The following TMEM225B variants were observed in gnomAD, a reference collection of about 807,000 sequenced individuals.
The protein encoded by TMEM225B is transmembrane protein 225B, also known as transmembrane protein 225-like.
A neutral mutation model predicts 16.9 loss-of-function variants in TMEM225B; 10 were observed. The ratio of observed to expected loss-of-function variants is 0.59; its 90% CI spans 0.36 to 1.00. The LOEUF (loss-of-function observed/expected upper bound fraction) is 1.00, where lower values mean the gene tolerates loss of function less well. Among genes scored for constraint, TMEM225B ranks in the 50% least tolerant of loss-of-function variants. The probability of loss-of-function intolerance (pLI) is 0.01; values close to 1 mark genes in which losing one functional copy is unlikely to be tolerated. For missense variants in TMEM225B, 217 were observed against 267.0 expected, an observed-to-expected ratio of 0.81 and a Z score of 1.30; for synonymous variants, 92 against 109.8, an observed-to-expected ratio of 0.84 and a Z score of 1.01.
chr7:99,598,625 C>CTGAATTCAGGGGAAA (rs1805054315), intron 1 of TMEM225B, among the ~76,000 whole-genome samples: 1 of 152,124 alleles, frequency 6.6e-6, no homozygotes, highest in Admixed American at 6.5e-5. Context: ...GGGAAAGGGC[C>CTGAATTCAGGGGAAA]GAGGACGGTT....
intron 3 of TMEM225B, 41 bp from the exon 4 acceptor site, chr7:99,606,707 C>T (rs1194646145): frequency 5.9e-6 from 9 of 1,530,842 alleles, no homozygotes; most frequent in Non-Finnish European, 7.0e-6. Context: ...CTTTCCGGGT[C>T]AGGGTTCCCA....
At chr7:99,598,066 G>C (rs1281523148), upstream of TMEM225B, 1 of 152,228 alleles carries the variant, frequency 6.6e-6, no homozygotes, top group African/African-American at 2.4e-5. Context: ...ACACCCGTGA[G>C]CGAAGCCGGT....
chr7:99,607,379 G>C (rs1805908488), intron 4 of TMEM225B, among the ~76,000 whole-genome samples: 1 of 152,198 alleles, frequency 6.6e-6, no homozygotes, highest in Non-Finnish European at 1.5e-5. Context: ...AGGAAAATGG[G>C]ATTGCATTTA....
At position 99,610,975 on chromosome 7, in the gene TMEM225B, A is replaced by G. The variant is rs1168018128; in HGVS notation, c.*410A>G. ...TGACAACTATTTGGGCTGGTGGCAC[A>G]GGGGTAAAAGAATTTACCAAGACGG... On this transcript the variant is annotated 3_prime_UTR_variant, in exon 6 of 6. Coordinates refer to ENST00000431679, the MANE Select transcript of TMEM225B (RefSeq NM_001195541.3). Among the ~76,000 whole-genome samples, 1 of 152,168 alleles carries G rather than the reference A, an allele frequency of 6.6e-6. No individual in the cohort carries two copies. Among genetic ancestry groups the G allele is most frequent in the Non-Finnish European group, 1.5e-5 (1 of 68,040 alleles).
In TMEM225B at chr7:99,606,841, T is replaced by C. The variant is rs1199107004; in HGVS notation, c.302T>C (p.Phe101Ser). 1 of 1,536,124 alleles carries C rather than the reference T, an allele frequency of 6.5e-7. No homozygotes were observed. The highest frequency in any genetic ancestry group is 1.2e-5 in the South Asian group (1 of 84,058). Residue 101 changes from phenylalanine to serine, a missense_variant, in exon 4 of 6, where the codon TTC (phenylalanine) becomes TCC (serine). Transcript: ENST00000431679. ...FIMMPFASEF[F>S]PRTWKQNFVL... ...ATGATGCCCTTTGCATCCGAGTTCT[T>C]CCCGAGGACCTGGAAGCAAAACTTT...
chr7:99,610,766 C>G lies in TMEM225B; in HGVS notation c.*201C>G. 6.6e-6 allele frequency: 3 copies of G among 455,414 alleles called. No homozygotes were observed. Among genetic ancestry groups the G allele is most frequent in the Non-Finnish European group, 1.2e-5 (3 of 255,770 alleles). The allele number at this position is 455,414 out of a possible 1,614,324, so 28.2% of individuals were successfully genotyped here. A position where few individuals can be genotyped will look rare whatever the true frequency, so the allele number is the denominator to read the frequency against. ...TTTGCTAAAAGTCCTTTCAACTCTT[C>G]TGAGCTTCCTAAGTGACGTTTTTGC... is the stretch of plus-strand genomic sequence containing the variant. On this transcript the variant is annotated 3_prime_UTR_variant, in exon 6 of 6. Coordinates refer to ENST00000431679, the MANE Select transcript of TMEM225B (RefSeq NM_001195541.3).
At chr7:99,608,275 T>C (rs1445242942) in intron 5 of TMEM225B, among the ~76,000 whole-genome samples, 1 of 152,044 alleles carries the variant, frequency 6.6e-6, no homozygotes, top group African/African-American at 2.4e-5. Flanking sequence ...TAAAAAGTTA[T>C]GAATTCAGTT....
intron 3 of TMEM225B, 79 bp from the exon 4 acceptor site, chr7:99,606,669 C>A: frequency 7.1e-7 from 1 of 1,400,032 alleles, no homozygotes; most frequent in Non-Finnish European, 9.6e-7. Context: ...CGGGGGCCAG[C>A]CCTGCCCAGG....
At position 99,610,739 on chromosome 7, in the gene TMEM225B, A is replaced by C. The variant is rs915469747; in HGVS notation, c.*174A>C. ...GTGATTCTATCTTGCTTGTATGTGA[A>C]ATTTGCTAAAAGTCCTTTCAACTCT... is the stretch of plus-strand genomic sequence containing the variant. On this transcript the variant is annotated 3_prime_UTR_variant, in exon 6 of 6. Transcript: ENST00000431679. The C allele has an allele frequency of 1.9e-6, 1 of 523,210 alleles. No homozygotes were observed. The highest frequency in any genetic ancestry group is 1.9e-5 in the African/African-American group (1 of 53,376). 32.4% of individuals were successfully genotyped at this position (523,210 alleles called of 1,614,324 possible).
intron 2 of TMEM225B, among the ~76,000 whole-genome samples, chr7:99,601,604 A>C (rs1805366916): frequency 6.6e-6 from 1 of 152,214 alleles, no homozygotes; most frequent in Non-Finnish European, 1.5e-5. Context: ...CAATTTTTCA[A>C]GTGGGAAGAA....
chr7:99,610,512 G>T lies in TMEM225B; in HGVS notation c.613G>T (p.Glu205Ter). Reference protein sequence around the residue: ...YLDNLESLGGEPSSVQKETQV... With the variant: ...YLDNLESLGG ...GGACAATCTGGAGAGTTTGGGAGGAGAACCGAGCTCAGTACAAAAGGAGAC... is the reference window on the plus strand; with the variant it reads ...GGACAATCTGGAGAGTTTGGGAGGATAACCGAGCTCAGTACAAAAGGAGAC... The change falls in exon 6 of 6, where the codon GAA (glutamate) becomes TAA (stop). Residue 205 changes from glutamate (E) to a stop codon, truncating the protein, a stop_gained. Coordinates refer to ENST00000431679, the MANE Select transcript of TMEM225B (RefSeq NM_001195541.3). LOFTEE classifies it high-confidence loss of function. 2 of 1,536,106 alleles carry T rather than the reference G, an allele frequency of 1.3e-6. No homozygotes were observed. The highest frequency in any genetic ancestry group is 1.7e-6 in the Non-Finnish European group (2 of 1,146,904).
chr7:99,598,230 C>T (rs1298985284), upstream of TMEM225B: 1 of 152,314 alleles, frequency 6.6e-6, no homozygotes, highest in Non-Finnish European at 1.5e-5. Context: ...GCTCCTCCCC[C>T]GGGTCGGGGC....
chr7:99,608,764 C>T (rs1391940271), intron 5 of TMEM225B, among the ~76,000 whole-genome samples: 3 of 140,062 alleles, frequency 2.1e-5, no homozygotes, highest in African/African-American at 5.6e-5. Context: ...CACACACACA[C>T]ATATTTATAT....
rs946487508 is a variant in TMEM225B, at chr7:99,610,528, A to C, written c.629A>C (p.Gln210Pro). The C allele has an allele frequency of 6.5e-7, 1 of 1,536,096 alleles. No homozygotes were observed. The highest frequency in any genetic ancestry group is 2.0e-5 in the Admixed American group (1 of 51,000). Residue 210 changes from glutamine (Q) to proline (P), a missense_variant, in exon 6 of 6, where the codon CAA becomes CCA. Coordinates refer to ENST00000431679, the MANE Select transcript of TMEM225B (RefSeq NM_001195541.3). ...ESLGGEPSSV[Q>P]KETQVTAETV... Reference sequence around the variant, plus strand: ...TTGGGAGGAGAACCGAGCTCAGTACAAAAGGAGACACAGGTGACAGCAGAA... The same window carrying C: ...TTGGGAGGAGAACCGAGCTCAGTACCAAAGGAGACACAGGTGACAGCAGAA...
At chr7:99,608,732 T>TAC (rs1343580496) in intron 5 of TMEM225B, among the ~76,000 whole-genome samples, 29 of 125,806 alleles carry the variant, frequency 2.3e-4, no homozygotes, top group African/African-American at 7.7e-4. Flanking sequence ...TATATATATA[T>TAC]ATACACACAC....
chr7:99,600,064 A>G, intron 1 of TMEM225B, 141 bp from the exon 2 acceptor site: 1 of 623,694 alleles, frequency 1.6e-6, no homozygotes, highest in East Asian at 2.7e-5. Flanking sequence ...CAAGGTCCTC[A>G]TCACTGGAGA....
chr7:99,606,484 G>A (rs1805817907), intron 3 of TMEM225B, among the ~76,000 whole-genome samples: 1 of 152,078 alleles, frequency 6.6e-6, no homozygotes, highest in South Asian at 2.1e-4. Context: ...GAAAAAATAT[G>A]TTTATTAAGA....
chr7:99,604,661 G>A, intron 3 of TMEM225B, 65 bp downstream of exon 3: 2 of 1,317,436 alleles, frequency 1.5e-6, no homozygotes, highest in Non-Finnish European at 1.1e-6. Context: ...ACAGAGGTGG[G>A]GGGTGAAAGA....
At position 99,606,993 on chromosome 7, in the gene TMEM225B, A is replaced by G; in HGVS notation, c.355+99A>G. The G allele has an allele frequency of 1.4e-6, 2 of 1,380,120 alleles. 1 individual carries two copies. The allele number at this position is 1,380,120 out of a possible 1,614,324, so 85.5% of individuals were successfully genotyped here. A position where few individuals can be genotyped will look rare whatever the true frequency, so the allele number is the denominator to read the frequency against. On this transcript the variant is annotated intron_variant, in intron 4 of 5. Transcript: ENST00000431679. The stretch of plus-strand genomic sequence containing the variant: ...TCTCTGTGATGTCAAAAGAGGCATA[A>G]TTTTTCTTTTTAGGGACAGGGTCTC...
Sources: allele counts gnomAD v4.1 joint callset (sites outside exome capture counted in the v4.1 genomes callset), GRCh38; gene constraint gnomAD v4.1.1; transcripts MANE v1.5; gene names NCBI Gene and HGNC (gene_info 2026-07-23, HGNC 2026-07-21).